TSPAN14: variants seen among roughly 807,000 people sequenced by gnomAD.
TSPAN14 encodes tetraspanin-14.
A neutral mutation model predicts 36.6 loss-of-function variants in TSPAN14; 16 were observed. The observed-to-expected ratio is 0.44, with a 90% confidence interval of 0.30 to 0.66. The LOEUF (loss-of-function observed/expected upper bound fraction) is 0.66. TSPAN14 is among the 30% of genes least tolerant of loss of function. TSPAN14 has a pLI of 0.12. For synonymous variants in TSPAN14, 139 were observed against 143.8 expected (o/e 0.97, Z 0.24); for missense variants, 231 against 355.1 (o/e 0.65, Z 2.81).
chr10:80,481,703 G>A (rs1253228411), intron 1 of TSPAN14, among the ~76,000 whole-genome samples: 2 of 152,196 alleles, frequency 1.3e-5, no homozygotes, highest in African/African-American at 2.4e-5. Flanking sequence ...TCGGCTCACC[G>A]TAACCTCCGC....
At position 80,509,402 on chromosome 10, in the gene TSPAN14, C is replaced by T. The variant is rs145582053; in HGVS notation, c.381C>T (p.Phe127=). The change falls in exon 5 of 9, where the codon TTC becomes TTT. Residue 127 remains phenylalanine, a synonymous_variant. Transcript: ENST00000429989. The surrounding 1 kb of genome is among the most constrained non-coding windows in gnomAD (Gnocchi z 4.7). ...TGAGGGACCGGTTCCGGGAGTTCTT[C>T]GAGAGCAACATCAAGTCCTACCGGG... 982 of 1,614,114 alleles carry T rather than the reference C, an allele frequency of 6.1e-4. No homozygotes were observed. The highest frequency in any genetic ancestry group is 7.8e-4 in the Non-Finnish European group (921 of 1,180,020).
intron 1 of TSPAN14, 72 bp from the exon 2 acceptor site, chr10:80,489,145 C>T (rs1847787371): frequency 1.0e-6 from 1 of 989,148 alleles, no homozygotes; most frequent in South Asian, 1.4e-5. Context: ...CTAGAATCCG[C>T]ATATGAGCTG....
intron 2 of TSPAN14, among the ~76,000 whole-genome samples, chr10:80,497,497 C>T (rs887424240): frequency 1.3e-5 from 2 of 152,248 alleles, no homozygotes; most frequent in Admixed American, 6.5e-5. Flanking sequence ...CTACGGGGAT[C>T]ATCCAGCACA....
intron 1 of TSPAN14, among the ~76,000 whole-genome samples, chr10:80,477,181 A>G (rs1011648770): frequency 1.3e-5 from 2 of 152,238 alleles, no homozygotes; most frequent in African/African-American, 4.8e-5. Context: ...CTCTGCTTTT[A>G]AGGGCTCATG....
At chr10:80,503,138 G>T (rs1848616813) in intron 2 of TSPAN14, among the ~76,000 whole-genome samples, 2 of 152,074 alleles carry the variant, frequency 1.3e-5, no homozygotes, top group African/African-American at 2.4e-5. Flanking sequence ...GAGCCTGCAG[G>T]ATTCGGCAGG....
rs75520638 is a variant in TSPAN14 at position 80,475,383 on chromosome 10, T to C, written c.-17-13834T>C. ...GGGTTTGAGATTAGCCTGGGCAACA[T>C]AGTGAAACCCTATTTCTACAAAAAA... is the stretch of plus-strand genomic sequence containing the variant. On this transcript the variant is annotated intron_variant, in intron 1 of 8. Transcript: ENST00000429989. 5.1e-3 allele frequency among the ~76,000 whole-genome samples: 784 copies of C among 152,262 alleles called. 6 individuals carry two copies. The highest frequency in any genetic ancestry group is 0.018 in the African/African-American group (731 of 41,544).
chr10:80,506,951 C>A (rs898316893), intron 3 of TSPAN14, among the ~76,000 whole-genome samples: 2 of 152,226 alleles, frequency 1.3e-5, no homozygotes, highest in African/African-American at 4.8e-5. Context: ...GAATAGGCAC[C>A]CCACAGGCTG....
intron 1 of TSPAN14, among the ~76,000 whole-genome samples, chr10:80,462,291 C>T (rs1247303009): frequency 7.7e-6 from 1 of 130,266 alleles, no homozygotes; most frequent in Non-Finnish European, 1.6e-5. Context: ...GGTCTTTGAG[C>T]TTGAGGTCAT....
intron 6 of TSPAN14, 64 bp from the exon 7 acceptor site, chr10:80,513,955 A>T: frequency 7.0e-7 from 1 of 1,434,758 alleles, no homozygotes; most frequent in Non-Finnish European, 9.8e-7. Context: ...TGACTTTACT[A>T]GAGCCTCTTA....
intron 1 of TSPAN14, among the ~76,000 whole-genome samples, chr10:80,463,658 G>A (rs984172094): frequency 6.6e-6 from 1 of 152,212 alleles, no homozygotes; most frequent in Admixed American, 6.5e-5. Context: ...TTTTGAGGTT[G>A]CTTTCAGTGT....
chr10:80,509,305 G>A lies in TSPAN14; in HGVS notation c.284G>A (p.Cys95Tyr). 1 of 1,613,578 alleles carries A rather than the reference G, an allele frequency of 6.2e-7. No homozygotes were observed. Among genetic ancestry groups the A allele is most frequent in the Non-Finnish European group, 8.5e-7 (1 of 1,179,864 alleles). Residue 95 changes from cysteine (C) to tyrosine (Y), a missense_variant, in exon 5 of 9, where the codon TGT (cysteine) becomes TAT (tyrosine). Cys to Tyr is a radical substitution (Grantham distance 194). Coordinates refer to ENST00000429989, the Ensembl canonical transcript of TSPAN14. The surrounding 1 kb of genome is among the most constrained non-coding windows in gnomAD (Gnocchi z 4.7). ...TCCCGTCCCCTTCCCCTGCAGTTCT[G>A]TGGCACCATCGTGCTCATCTTCTTC...
At chr10:80,506,296 G>C (rs1840296675) in intron 3 of TSPAN14, among the ~76,000 whole-genome samples, 2 of 152,206 alleles carry the variant, frequency 1.3e-5, no homozygotes, top group Admixed American at 1.3e-4. Flanking sequence ...TTGATGCTTA[G>C]TCACAATGTT....
chr10:80,511,771 T>TCC (rs1171620624), intron 5 of TSPAN14, among the ~76,000 whole-genome samples: 6 of 123,266 alleles, frequency 4.9e-5, no homozygotes, highest in South Asian at 5.7e-4. Context: ...TCTCTCTCTC[T>TCC]CCCCTTTTTT....
At chr10:80,511,711 C>CCTATCTCTCT (rs1491297318) in intron 5 of TSPAN14, among the ~76,000 whole-genome samples, 3 of 25,812 alleles carry the variant, frequency 1.2e-4, no homozygotes, top group Admixed American at 5.4e-4. Context: ...AAGGGCAGGT[C>CCTATCTCTCT]CTCTCTCTCT....
chr10:80,478,686 T>C (rs1847065737), intron 1 of TSPAN14, among the ~76,000 whole-genome samples: 1 of 152,178 alleles, frequency 6.6e-6, no homozygotes, highest in East Asian at 1.9e-4. Flanking sequence ...GAGTGATGCC[T>C]TCATCATGCT....
chr10:80,474,884 G>T (rs567294602), intron 1 of TSPAN14, among the ~76,000 whole-genome samples: 4 of 152,220 alleles, frequency 2.6e-5, no homozygotes, highest in South Asian at 4.1e-4. Context: ...TAAAAAATGA[G>T]ACTCTTGTCT....
At chr10:80,489,287 C>G in exon 2 of TSPAN14, 1 of 1,581,198 alleles carries the variant, frequency 6.3e-7, no homozygotes. Context: ...ACAAGTACCT[C>G]CTTTTCAGCT....
intron 1 of TSPAN14, among the ~76,000 whole-genome samples, chr10:80,484,303 T>C (rs1040444204): frequency 1.3e-5 from 2 of 152,072 alleles, no homozygotes; most frequent in Non-Finnish European, 2.9e-5. Context: ...TCTAGTGACA[T>C]TGAAAATTTT....
chr10:80,512,269 G>A (rs757081952), exon 6 of TSPAN14: 140 of 1,613,534 alleles, frequency 8.7e-5, no homozygotes, highest in Non-Finnish European at 1.1e-4. Flanking sequence ...CAGATCCTGC[G>A]GTGAGTTGGC....
Sources: allele counts gnomAD v4.1 joint callset (sites outside exome capture counted in the v4.1 genomes callset), GRCh38; gene constraint gnomAD v4.1.1; non-coding constraint Gnocchi (gnomAD v3.1); transcripts MANE v1.5; gene names NCBI Gene and HGNC (gene_info 2026-07-23, HGNC 2026-07-21).